Variants in GON7 observed in about 807,000 individuals in gnomAD.
GON7 encodes the protein EKC/KEOPS complex subunit GON7.
GON7 carries 2 observed loss-of-function variants against 7.6 expected under a neutral mutation model. The observed-to-expected ratio is 0.26, with a 90% CI of 0.11 to 0.83. The LOEUF (loss-of-function observed/expected upper bound fraction) is 0.83. Ranked by LOEUF, GON7 falls within the 40% of genes least tolerant of loss-of-function variation. The pLI is 0.65. For missense variants in GON7, 121 were observed against 132.2 expected (o/e 0.92, Z 0.42); for synonymous variants, 54 against 56.6 (o/e 0.95, Z 0.20).
Position 93,203,996 on chromosome 14 carries a change from ACT to A in GON7, c.209-216_209-215del, listed in dbSNP as rs574879479. Among the ~76,000 whole-genome samples, 56 of 150,958 alleles carry A rather than the reference ACT, an allele frequency of 3.7e-4. No homozygotes were observed. The East Asian group carries it at 0.01, about 28-fold the overall frequency. On this transcript the variant is annotated intron_variant, in intron 1 of 1. Coordinates refer to ENST00000306954, the MANE Select transcript of GON7 (RefSeq NM_032490.5). Reference sequence around the variant, plus strand: ...TATTAGTTCATTCACCATAAAATCCACTCTTTTTTTCTTTTTTTTTGAGATAG... The same window carrying A: ...TATTAGTTCATTCACCATAAAATCCACTTTTTTTCTTTTTTTTTGAGATAG...
At chr14:93,205,706 G>A (rs570687192) in intron 1 of GON7, among the ~76,000 whole-genome samples, 14 of 152,000 alleles carry the variant, frequency 9.2e-5, no homozygotes, top group African/African-American at 3.4e-4. Context: ...TGCATTCGAG[G>A]CAATTTTTTA....
At position 93,206,845 on chromosome 14, in the gene GON7, C is replaced by G. The variant is rs766196216; in HGVS notation, c.193G>C (p.Asp65His). Residue 65 changes from aspartate (D) to histidine (H), a missense_variant, in exon 1 of 2, where the codon GAC becomes CAC. By Grantham distance (81) the Asp-to-His change is moderately conservative. Coordinates refer to ENST00000306954, the MANE Select transcript of GON7 (RefSeq NM_032490.5). ...EVQHRVAAAP[D>H]EDLDGDDEDD... ...CAGAGCTCACCGTCCAAGTCCTCGTCTGGAGCCGCCGCCACCCGGTGCTGC... is the reference window on the plus strand; with the variant it reads ...CAGAGCTCACCGTCCAAGTCCTCGTGTGGAGCCGCCGCCACCCGGTGCTGC... 17 of 1,613,824 alleles carry G rather than the reference C, an allele frequency of 1.1e-5. No individual in the cohort carries two copies. The Admixed American group carries it at 1.7e-4, about 16-fold the overall frequency.
intron 1 of GON7, 64 bp downstream of exon 1, chr14:93,206,766 A>G: frequency 6.7e-7 from 1 of 1,499,290 alleles, no homozygotes. Context: ...CGGGCTCCCC[A>G]AGCCAATTTC....
Position 93,203,783 on chromosome 14 carries a change from C to A in GON7, c.209-1G>T. 6.2e-7 allele frequency: 1 copy of A among 1,609,376 alleles called. No individual in the cohort carries two copies. The highest frequency in any genetic ancestry group is 8.5e-7 in the Non-Finnish European group (1 of 1,176,196). ...TCTTCTGCATCATCTTCATCATCAC[C>A]TTTTAAAATAAATATTTGTTGTATG... On this transcript the variant is annotated splice_acceptor_variant, in intron 1 of 1. Transcript: ENST00000306954. LOFTEE classifies it high-confidence loss of function.
At chr14:93,206,710 T>C (rs1894352547) in intron 1 of GON7, 120 bp downstream of exon 1, 3 of 1,135,550 alleles carry the variant, frequency 2.6e-6, no homozygotes, top group African/African-American at 1.6e-5. Flanking sequence ...TTAGATGCAA[T>C]TCTTCTTTCC....
intron 1 of GON7, 97 bp downstream of exon 1, chr14:93,206,733 T>C (rs1338119123): frequency 7.8e-6 from 10 of 1,285,694 alleles, no homozygotes; most frequent in African/African-American, 1.5e-5. Context: ...GAGGCTCACT[T>C]TGTCCAAGTC....
intron 1 of GON7, 124 bp from the exon 2 acceptor site, chr14:93,203,906 T>TTAAAATGATTTTGA: frequency 1.7e-6 from 1 of 598,786 alleles, no homozygotes; most frequent in Non-Finnish European, 2.8e-6. Context: ...ACATTTTAGA[T>TTAAAATGATTTTGA]TAAAATGATT....
chr14:93,205,772 G>A (rs1236830558), intron 1 of GON7, among the ~76,000 whole-genome samples: 2 of 152,124 alleles, frequency 1.3e-5, no homozygotes, highest in Non-Finnish European at 2.9e-5. Flanking sequence ...TACAAAACTG[G>A]AAAGGCAAGG....
In GON7 at chr14:93,207,027, A is replaced by G; in HGVS notation, c.11T>C (p.Leu4Pro). Residue 4 changes from leucine (L) to proline (P), a missense_variant, in exon 1 of 2, where the codon CTG becomes CCG. Leu to Pro is a moderately conservative substitution (Grantham distance 98, BLOSUM62 -3). Transcript: ENST00000306954. MEL[L>P]GEYVGQEGKP... ...CCCTTCCTGCCCGACGTACTCTCCCAGCAGCTCCATGGTGACCGCTAAGCT... is the reference window on the plus strand; with the variant it reads ...CCCTTCCTGCCCGACGTACTCTCCCGGCAGCTCCATGGTGACCGCTAAGCT... The G allele has an allele frequency of 1.2e-6, 2 of 1,613,248 alleles. No individual in the cohort carries two copies. The highest frequency in any genetic ancestry group is 1.7e-6 in the Non-Finnish European group (2 of 1,179,930).
In GON7 at chr14:93,203,595, C is replaced by A; in HGVS notation, c.*93G>T. 9.0e-7 allele frequency: 1 copy of A among 1,111,166 alleles called. No homozygotes were observed. The highest frequency in any genetic ancestry group is 1.3e-6 in the Non-Finnish European group (1 of 758,828). The allele number at this position is 1,111,166 out of a possible 1,614,324, so 68.8% of individuals were successfully genotyped here. A position where few individuals can be genotyped will look rare whatever the true frequency, so the allele number is the denominator to read the frequency against. On this transcript the variant is annotated 3_prime_UTR_variant, in exon 2 of 2. Coordinates refer to ENST00000306954, the MANE Select transcript of GON7 (RefSeq NM_032490.5). ...TTGTCCCAGGAGAACAACACAAATG[C>A]TTTTTCCAAATTAGAGCATAAGTCT...
rs1273193130 is a variant in GON7, at chr14:93,203,424, T to C, written c.*264A>G. 3 of 384,606 alleles carry C rather than the reference T, an allele frequency of 7.8e-6. No individual in the cohort carries two copies. Among genetic ancestry groups the C allele is most frequent in the African/African-American group, 2.0e-5 (1 of 49,218 alleles). 23.8% of individuals were successfully genotyped at this position (384,606 alleles called of 1,614,324 possible). A position where few individuals can be genotyped will look rare whatever the true frequency, so the allele number is the denominator to read the frequency against. Reference sequence around the variant, plus strand: ...ATAGAAAACAATGATAAAAATTCAGTTGCCAACTTAGAGGATTTTATACAT... The same window carrying C: ...ATAGAAAACAATGATAAAAATTCAGCTGCCAACTTAGAGGATTTTATACAT... On this transcript the variant is annotated 3_prime_UTR_variant, in exon 2 of 2. Coordinates refer to ENST00000306954, the MANE Select transcript of GON7 (RefSeq NM_032490.5).
intron 1 of GON7, among the ~76,000 whole-genome samples, chr14:93,204,460 T>G (rs971283320): frequency 6.6e-6 from 1 of 152,178 alleles, no homozygotes; most frequent in African/African-American, 2.4e-5. Flanking sequence ...TCTACTTTTT[T>G]TCCCCCTTAT....
At position 93,207,034 on chromosome 14, in the gene GON7, C is replaced by T; in HGVS notation, c.4G>A (p.Glu2Lys). Residue 2 changes from glutamate (E) to lysine (K), a missense_variant, in exon 1 of 2, where the codon GAG becomes AAG. By Grantham distance (56) the Glu-to-Lys change is moderately conservative. Coordinates refer to ENST00000306954, the MANE Select transcript of GON7 (RefSeq NM_032490.5). ...TGCCCGACGTACTCTCCCAGCAGCT[C>T]CATGGTGACCGCTAAGCTTCCAGAA... MELLGEYVGQEG... is the reference protein window; with the variant it reads MKLLGEYVGQEG... 1 of 1,612,914 alleles carries T rather than the reference C, an allele frequency of 6.2e-7. No homozygotes were observed. The highest frequency in any genetic ancestry group is 8.5e-7 in the Non-Finnish European group (1 of 1,179,846).
chr14:93,206,338 G>A (rs1894343391), intron 1 of GON7, among the ~76,000 whole-genome samples: 1 of 151,184 alleles, frequency 6.6e-6, no homozygotes, highest in Non-Finnish European at 1.5e-5. Flanking sequence ...GTGTCTGCCT[G>A]TCTAGTCCCC....
At chr14:93,204,460 T>A (rs971283320) in intron 1 of GON7, among the ~76,000 whole-genome samples, 1 of 152,178 alleles carries the variant, frequency 6.6e-6, no homozygotes, top group Non-Finnish European at 1.5e-5. Context: ...TCTACTTTTT[T>A]TCCCCCTTAT....
Position 93,203,432 on chromosome 14 carries a change from T to G in GON7, c.*256A>C. The G allele has an allele frequency of 2.5e-6, 1 of 397,362 alleles. No homozygotes were observed. Among genetic ancestry groups the G allele is most frequent in the South Asian group, 7.4e-5 (1 of 13,446 alleles). 24.6% of individuals were successfully genotyped at this position (397,362 alleles called of 1,614,324 possible). ...CAATGATAAAAATTCAGTTGCCAACTTAGAGGATTTTATACATTATGAAGT... is the reference window on the plus strand; with the variant it reads ...CAATGATAAAAATTCAGTTGCCAACGTAGAGGATTTTATACATTATGAAGT... On this transcript the variant is annotated 3_prime_UTR_variant, in exon 2 of 2. Transcript: ENST00000306954.
intron 1 of GON7, among the ~76,000 whole-genome samples, chr14:93,205,135 C>A (rs1034451527): frequency 1.3e-5 from 2 of 152,214 alleles, no homozygotes; most frequent in Non-Finnish European, 2.9e-5. Flanking sequence ...TGAGGAGCTA[C>A]CAAACTCTTT....
chr14:93,204,473 G>A (rs117898704), intron 1 of GON7, among the ~76,000 whole-genome samples: 9 of 152,024 alleles, frequency 5.9e-5, no homozygotes, highest in Non-Finnish European at 1.3e-4. Context: ...CCCCTTATTA[G>A]AGATAGGGTC....
At position 93,206,852 on chromosome 14, in the gene GON7, C is replaced by T; in HGVS notation, c.186G>A (p.Ala62=). Residue 62 remains alanine, a synonymous_variant, in exon 1 of 2, where the codon GCG becomes GCA. Transcript: ENST00000306954. ...VQGEVQHRVA[A]APDEDLDGDD... ...CACCGTCCAAGTCCTCGTCTGGAGC[C>T]GCCGCCACCCGGTGCTGCACTTCCC... The T allele has an allele frequency of 1.9e-6, 3 of 1,614,034 alleles. No homozygotes were observed. In the South Asian group the frequency reaches 3.3e-5, roughly 18 times the overall value.
Sources: gnomAD v4.1 joint callset for allele counts (sites outside exome capture counted in the v4.1 genomes callset) on GRCh38, gnomAD v4.1.1 for gene constraint, MANE v1.5 for transcripts, NCBI Gene and HGNC (gene_info 2026-07-23, HGNC 2026-07-21) for gene names.